The following NEK5 variants were observed in gnomAD, a reference collection of about 807,000 sequenced individuals.
The protein encoded by NEK5 is NIMA related kinase 5, also known as serine/threonine-protein kinase Nek5.
NEK5 carries 88 observed loss-of-function variants against 109.2 expected under a neutral mutation model. That is an observed-to-expected ratio of 0.81 (90% CI 0.68 to 0.96). The LOEUF (loss-of-function observed/expected upper bound fraction) is 0.96, where lower values mean the gene tolerates loss of function less well. Among genes scored for constraint, NEK5 ranks in the 40% least tolerant of loss-of-function variants. NEK5 has a pLI of 0.00. For synonymous variants in NEK5, 283 were observed against 299.9 expected (o/e 0.94, Z 0.58); for missense variants, 834 against 920.7 (o/e 0.91, Z 1.22).
intron 22 of NEK5, among the ~76,000 whole-genome samples, chr13:52,053,686 C>T (rs61958807): frequency 0.039 from 5,994 of 152,228 alleles, 144 homozygotes; most frequent in South Asian, 0.09. Context: ...GCCCAATTCA[C>T]CAGATGGGGC....
intron 4 of NEK5, 98 bp from the exon 5 acceptor site, chr13:52,112,463 T>G (rs1955777164): frequency 2.8e-6 from 2 of 724,328 alleles, no homozygotes; most frequent in African/African-American, 1.8e-5. Flanking sequence ...CTAATTCCAC[T>G]ATACCATTTA....
intron 22 of NEK5, among the ~76,000 whole-genome samples, chr13:52,057,258 A>G (rs899641833): frequency 2.7e-4 from 41 of 152,116 alleles, no homozygotes; most frequent in Non-Finnish European, 5.0e-4. Flanking sequence ...GAAGAAGTTG[A>G]ATCTCTGAAT....
chr13:52,068,265 G>C (rs564584003), intron 20 of NEK5, among the ~76,000 whole-genome samples: 1 of 151,984 alleles, frequency 6.6e-6, no homozygotes, highest in Admixed American at 6.6e-5. Flanking sequence ...TCTTTTGGTC[G>C]TGAGACAAAG....
intron 8 of NEK5, among the ~76,000 whole-genome samples, chr13:52,106,715 C>T (rs934678616): frequency 2.0e-5 from 3 of 150,132 alleles, no homozygotes; most frequent in East Asian, 3.9e-4. Flanking sequence ...TGCAGTGAGC[C>T]GAGATCACAC....
chr13:52,039,714 C>T (rs1954397447), intron 23 of NEK5, among the ~76,000 whole-genome samples: 1 of 152,184 alleles, frequency 6.6e-6, no homozygotes, highest in African/African-American at 2.4e-5. Context: ...CAGTTACTAA[C>T]TCCTTTATTA....
At chr13:52,082,419 T>A in intron 17 of NEK5, 1 of 922,984 alleles carries the variant, frequency 1.1e-6, no homozygotes, top group Non-Finnish European at 1.4e-6. Context: ...GCAAAATAAA[T>A]ATAACTCCTT....
At chr13:52,087,502 A>G in intron 14 of NEK5, 48 bp from the exon 15 acceptor site, 1 of 923,518 alleles carries the variant, frequency 1.1e-6, no homozygotes, top group South Asian at 1.6e-5. Context: ...GATTTCGGAA[A>G]CATCTTCTGA....
chr13:52,051,372 C>T (rs1413455786), intron 22 of NEK5, among the ~76,000 whole-genome samples: 4 of 152,222 alleles, frequency 2.6e-5, no homozygotes, highest in Non-Finnish European at 5.9e-5. Flanking sequence ...AAGGAATCTG[C>T]AGGAGACTTC....
intron 21 of NEK5, among the ~76,000 whole-genome samples, chr13:52,064,461 C>G (rs865842232): frequency 6.8e-6 from 1 of 147,354 alleles, no homozygotes; most frequent in Non-Finnish European, 1.5e-5. Flanking sequence ...GGGGGTCAGC[C>G]CCCCGCCCGG....
chr13:52,087,470 A>G lies in NEK5; in HGVS notation c.1276-16T>C, dbSNP rs1955173441. 4 of 1,195,476 alleles carry G rather than the reference A, an allele frequency of 3.3e-6. No individual in the cohort carries two copies. Among genetic ancestry groups the G allele is most frequent in the Non-Finnish European group, 4.9e-6 (4 of 813,604 alleles). The allele number at this position is 1,195,476 out of a possible 1,614,324, so 74.1% of individuals were successfully genotyped here. On this transcript the variant is annotated splice_polypyrimidine_tract_variant and intron_variant, in intron 14 of 23. Transcript: ENST00000684899. ...GACGAAGACCCTATTTATTGAATGAAATAATTTATAATGCATACTTTGATT... is the reference window on the plus strand; with the variant it reads ...GACGAAGACCCTATTTATTGAATGAGATAATTTATAATGCATACTTTGATT...
Position 52,087,505 on chromosome 13 carries a change from T to C in NEK5, c.1276-51A>G, listed in dbSNP as rs563307519. Reference sequence around the variant, plus strand: ...AATGCATACTTTGATTTCGGAAACATCTTCTGATTTGACATTGACTTTTTC... The same window carrying C: ...AATGCATACTTTGATTTCGGAAACACCTTCTGATTTGACATTGACTTTTTC... On this transcript the variant is annotated intron_variant, in intron 14 of 23. Transcript: ENST00000684899. 7 of 905,146 alleles carry C rather than the reference T, an allele frequency of 7.7e-6. No individual in the cohort carries two copies. The African/African-American group carries it at 8.2e-5, about 11-fold the overall frequency. The allele number at this position is 905,146 out of a possible 1,614,324, so 56.1% of individuals were successfully genotyped here. A position where few individuals can be genotyped will look rare whatever the true frequency, so the allele number is the denominator to read the frequency against.
At chr13:52,114,908 GAC>G (rs1955823246) in intron 4 of NEK5, among the ~76,000 whole-genome samples, 1 of 152,034 alleles carries the variant, frequency 6.6e-6, no homozygotes, top group Non-Finnish European at 1.5e-5. Context: ...AAACAGAGGA[GAC>G]ACATTATTTC....
At chr13:52,121,860 C>CA (rs1193246614) in intron 3 of NEK5, among the ~76,000 whole-genome samples, 1 of 149,830 alleles carries the variant, frequency 6.7e-6, no homozygotes, top group Non-Finnish European at 1.5e-5. Flanking sequence ...GAATCGTAGC[C>CA]AAAAAACCAA....
chr13:52,053,155 G>A (rs532453893), intron 22 of NEK5, among the ~76,000 whole-genome samples: 3 of 152,130 alleles, frequency 2.0e-5, no homozygotes, highest in South Asian at 4.2e-4. Context: ...ACAAAAATTA[G>A]CTGGGCATAG....
chr13:52,065,244 G>A, intron 21 of NEK5: 1 of 579,956 alleles, frequency 1.7e-6, no homozygotes, highest in South Asian at 2.3e-5. Context: ...TCTGAGGAAG[G>A]TGGCATCCTG....
chr13:52,040,927 T>C (rs1954408083), intron 23 of NEK5, among the ~76,000 whole-genome samples: 1 of 152,176 alleles, frequency 6.6e-6, no homozygotes, highest in African/African-American at 2.4e-5. Flanking sequence ...GAATTTTTCT[T>C]CCAGAGATTG....
intron 8 of NEK5, among the ~76,000 whole-genome samples, chr13:52,106,237 T>C (rs1955652764): frequency 6.6e-6 from 1 of 152,310 alleles, no homozygotes; most frequent in East Asian, 1.9e-4. Flanking sequence ...CTATTCTTTT[T>C]GTAAATCTCT....
intron 16 of NEK5, 56 bp downstream of exon 16, chr13:52,086,221 A>G (rs1955139037): frequency 9.4e-7 from 1 of 1,060,578 alleles, no homozygotes; most frequent in Admixed American, 1.8e-5. Flanking sequence ...ATACCAGCTC[A>G]ATTTAGTTAG....
intron 4 of NEK5, among the ~76,000 whole-genome samples, chr13:52,115,495 C>T (rs2138089919): frequency 6.7e-6 from 1 of 149,278 alleles, no homozygotes; most frequent in Non-Finnish European, 1.5e-5. Context: ...ATCCCAGCTA[C>T]TCAGGAGGCT....
Sources: allele counts gnomAD v4.1 joint callset (sites outside exome capture counted in the v4.1 genomes callset), GRCh38; gene constraint gnomAD v4.1.1; transcripts MANE v1.5; gene names NCBI Gene and HGNC (gene_info 2026-07-23, HGNC 2026-07-21).